Variants in VWF observed in about 807,000 individuals in gnomAD.
The protein encoded by VWF is Factor VIII related antigen.
In VWF, 176 loss-of-function variants were observed where a neutral mutation model predicts 308.6. The observed-to-expected ratio is 0.57, with a 90% CI of 0.50 to 0.65. The LOEUF (loss-of-function observed/expected upper bound fraction) is 0.65. Among genes scored for constraint, VWF ranks in the 30% least tolerant of loss-of-function variants. VWF has a pLI of 0.00. For synonymous variants in VWF, 1,385 were observed against 1,443.4 expected, an observed-to-expected ratio of 0.96 and a Z score of 0.92; for missense variants, 3,146 against 3,648.2, an observed-to-expected ratio of 0.86 and a Z score of 3.55.
At position 6,110,775 on chromosome 12, in the gene VWF, T is replaced by C. The variant is rs1945299432; in HGVS notation, c.323+91A>G. 1.1e-5 allele frequency: 16 copies of C among 1,446,286 alleles called. No homozygotes were observed. In the South Asian group the frequency reaches 1.5e-4, roughly 13 times the overall value. 89.6% of individuals were successfully genotyped at this position (1,446,286 alleles called of 1,614,324 possible). On this transcript the variant is annotated intron_variant, in intron 4 of 51. Transcript: ENST00000261405. The stretch of plus-strand genomic sequence containing the variant: ...CACTTCCTTGGAACATTTGCTTCCA[T>C]TCTCTGGGCCCCAGCTTCCTCATCT...
chr12:5,994,475 T>G lies in VWF; in HGVS notation c.6196A>C (p.Asn2066His). The change falls in exon 36 of 52, where the codon AAT (asparagine) becomes CAT (histidine). Residue 2066 changes from asparagine to histidine, a missense_variant. Transcript: ENST00000261405. ...GHIFTFTPQNNEFQLQLSPKT... is the reference protein window; with the variant it reads ...GHIFTFTPQNHEFQLQLSPKT... The stretch of plus-strand genomic sequence containing the variant: ...GGGCTGAGCTGCAGTTGGAACTCAT[T>G]GTTTTGTGGAGTGAATGTGAAGATG... 4 of 1,614,186 alleles carry G rather than the reference T, an allele frequency of 2.5e-6. No homozygotes were observed. Among genetic ancestry groups the G allele is most frequent in the Non-Finnish European group, 3.4e-6 (4 of 1,180,026 alleles).
At chr12:6,005,458 T>C (rs1943915244) in intron 34 of VWF, among the ~76,000 whole-genome samples, 3 of 152,050 alleles carry the variant, frequency 2.0e-5, no homozygotes, top group Non-Finnish European at 4.4e-5. Context: ...TAAAACCCAA[T>C]GGAAAGTAGA....
chr12:6,110,912 C>CA lies in VWF; in HGVS notation c.276dup (p.Asp93Ter), dbSNP rs61753988. On this transcript the variant is annotated frameshift_variant, in exon 4 of 52. Coordinates refer to ENST00000261405, the MANE Select transcript of VWF (RefSeq NM_000552.5). LOFTEE classifies it high-confidence loss of function. ...GTACCATTGACAAACAAATGGATGT[C>CA]AAAAAATTCCCCAAGATACACGGAG... The CA allele has an allele frequency of 3.1e-6, 5 of 1,614,072 alleles. No individual in the cohort carries two copies. The highest frequency in any genetic ancestry group is 4.2e-6 in the Non-Finnish European group (5 of 1,180,022).
At chr12:6,003,333 T>C (rs1037461753) in intron 34 of VWF, among the ~76,000 whole-genome samples, 1 of 152,060 alleles carries the variant, frequency 6.6e-6, no homozygotes, top group African/African-American at 2.4e-5. Flanking sequence ...ACTGAAAGAG[T>C]GTGGGGATAG....
chr12:6,044,662 G>A (rs901057320), intron 17 of VWF, among the ~76,000 whole-genome samples: 22 of 152,112 alleles, frequency 1.4e-4, no homozygotes, highest in African/African-American at 5.3e-4. Context: ...GCTTACATTG[G>A]TGGCAGCTCT....
At chr12:5,953,850 G>A in intron 47 of VWF, 1 of 481,792 alleles carries the variant, frequency 2.1e-6, no homozygotes, top group South Asian at 2.5e-5. Flanking sequence ...CTGAGCTTCA[G>A]ACTTACAAAT....
At chr12:5,964,930 G>T (rs1943383174) in intron 47 of VWF, among the ~76,000 whole-genome samples, 1 of 152,222 alleles carries the variant, frequency 6.6e-6, no homozygotes, top group African/African-American at 2.4e-5. Context: ...GCAAGGGAGG[G>T]AGGAGAGAGC....
chr12:6,070,194 T>G (rs1006138966), intron 10 of VWF, among the ~76,000 whole-genome samples: 4 of 152,202 alleles, frequency 2.6e-5, no homozygotes, highest in Non-Finnish European at 5.9e-5. Flanking sequence ...AAGAGCAATC[T>G]TTTCTCCTTC....
At chr12:6,061,105 G>A (rs540492064) in intron 13 of VWF, among the ~76,000 whole-genome samples, 19 of 152,346 alleles carry the variant, frequency 1.2e-4, no homozygotes, top group African/African-American at 4.3e-4. Context: ...GGAGGTTGAG[G>A]CAGGAGAATC....
rs965450543 is a variant in VWF at position 5,949,277 on chromosome 12, CCTG to C, written c.8254-77_8254-75del. 1.2e-5 allele frequency: 18 copies of C among 1,506,282 alleles called. No individual in the cohort carries two copies. In the African/African-American group the frequency reaches 1.6e-4, roughly 14 times the overall value. 93.3% of individuals were successfully genotyped at this position (1,506,282 alleles called of 1,614,324 possible). ...TGGCTTAGGCAGGGCTCTGGGGCAG[CCTG>C]CTTTCTCCCTGACCCCCTCCAAGCA... On this transcript the variant is annotated intron_variant, in intron 51 of 51. Coordinates refer to ENST00000261405, the MANE Select transcript of VWF (RefSeq NM_000552.5).
At chr12:6,115,491 C>T (rs768274877) in intron 3 of VWF, among the ~76,000 whole-genome samples, 34 of 152,298 alleles carry the variant, frequency 2.2e-4, no homozygotes, top group Non-Finnish European at 4.4e-4. Flanking sequence ...CACACACACA[C>T]GTTTCATATC....
chr12:6,039,189 T>G (rs1944369641), intron 18 of VWF, among the ~76,000 whole-genome samples: 1 of 152,146 alleles, frequency 6.6e-6, no homozygotes, highest in African/African-American at 2.4e-5. Context: ...TCTATGAATG[T>G]CCCCTGAAGA....
At chr12:6,013,440 C>CT (rs66506062) in intron 32 of VWF, 41 bp downstream of exon 32, 10 of 1,610,592 alleles carry the variant, frequency 6.2e-6, no homozygotes, top group South Asian at 2.2e-5. Flanking sequence ...TATTTTGGAA[C>CT]TTTTTTTTGA....
chr12:6,111,130 C>A (rs1280002169), intron 3 of VWF, among the ~76,000 whole-genome samples, 162 bp from the exon 4 acceptor site: 2 of 152,212 alleles, frequency 1.3e-5, no homozygotes, highest in Non-Finnish European at 1.5e-5. Flanking sequence ...CATTTTCTCA[C>A]CCATTTTTCC....
intron 32 of VWF, among the ~76,000 whole-genome samples, chr12:6,013,015 T>C (rs1380214096): frequency 6.6e-6 from 1 of 152,180 alleles, no homozygotes; most frequent in East Asian, 1.9e-4. Flanking sequence ...GCATATTTTT[T>C]AAGTTTCTAA....
chr12:5,953,800 C>T (rs1943220210), intron 47 of VWF: 1 of 602,122 alleles, frequency 1.7e-6, no homozygotes, highest in Non-Finnish European at 3.0e-6. Flanking sequence ...ACATCTCACT[C>T]AAGTTGTAGC....
chr12:5,957,549 C>T (rs941974554), intron 47 of VWF, among the ~76,000 whole-genome samples: 2 of 151,838 alleles, frequency 1.3e-5, no homozygotes, highest in African/African-American at 4.9e-5. Flanking sequence ...TACAGGAAAA[C>T]AACAATAAAA....
intron 5 of VWF, among the ~76,000 whole-genome samples, chr12:6,097,740 C>T (rs2136503428): frequency 6.6e-6 from 1 of 152,288 alleles, no homozygotes; most frequent in East Asian, 1.9e-4. Flanking sequence ...TTGGTAGCCA[C>T]AGGAAACTGA....
At chr12:5,952,186 A>T in intron 49 of VWF, 1 of 768,606 alleles carries the variant, frequency 1.3e-6, no homozygotes, top group Non-Finnish European at 2.1e-6. Context: ...TCCCTTAAGG[A>T]AAATATTTTT....
Sources: allele counts gnomAD v4.1 joint callset (sites outside exome capture counted in the v4.1 genomes callset), GRCh38; gene constraint gnomAD v4.1.1; transcripts MANE v1.5; gene names NCBI Gene and HGNC (gene_info 2026-07-23, HGNC 2026-07-21).